Variants in SCAMP1 observed in about 807,000 individuals in gnomAD.
SCAMP1 encodes secretory carrier membrane protein 1.
A neutral mutation model predicts 41.8 loss-of-function variants in SCAMP1; 15 were observed. That is an observed-to-expected ratio of 0.36 (90% confidence interval 0.24 to 0.55). The LOEUF is 0.55. Among genes scored for constraint, SCAMP1 ranks in the 20% least tolerant of loss-of-function variants. The probability of loss-of-function intolerance (pLI) is 0.86; values close to 1 mark genes in which losing one functional copy is unlikely to be tolerated. For missense variants in SCAMP1, 341 were observed against 412.6 expected, an observed-to-expected ratio of 0.83 and a Z score of 1.50; for synonymous variants, 135 against 136.8, an observed-to-expected ratio of 0.99 and a Z score of 0.09.
chr5:78,377,847 TATATG>T (rs1427799331), intron 1 of SCAMP1, among the ~76,000 whole-genome samples: 4 of 152,196 alleles, frequency 2.6e-5, no homozygotes, highest in African/African-American at 7.2e-5. Context: ...ACTCATGAAT[TATATG>T]ATACATTTTA....
At chr5:78,437,865 G>C (rs1186208709) in intron 6 of SCAMP1, among the ~76,000 whole-genome samples, 1 of 152,162 alleles carries the variant, frequency 6.6e-6, no homozygotes, top group Non-Finnish European at 1.5e-5. Context: ...TGGTTGGTAG[G>C]CTATTAATTA....
At chr5:78,401,613 G>A (rs1210693807) in intron 2 of SCAMP1, among the ~76,000 whole-genome samples, 2 of 152,116 alleles carry the variant, frequency 1.3e-5, no homozygotes, top group Non-Finnish European at 2.9e-5. Context: ...AGATTTGTGG[G>A]CATAGAGTTA....
chr5:78,415,705 G>T, intron 3 of SCAMP1, 87 bp downstream of exon 3: 1 of 819,200 alleles, frequency 1.2e-6, no homozygotes, highest in East Asian at 2.8e-5. Context: ...TCTTTATATG[G>T]TTACATTTCT....
At chr5:78,451,756 G>T (rs992917210) in intron 7 of SCAMP1, among the ~76,000 whole-genome samples, 1 of 152,336 alleles carries the variant, frequency 6.6e-6, no homozygotes, top group African/African-American at 2.4e-5. Flanking sequence ...CTCGGTTCAA[G>T]TGATTCTCAT....
intron 6 of SCAMP1, among the ~76,000 whole-genome samples, chr5:78,438,134 G>A (rs1325482431): frequency 2.0e-5 from 3 of 151,996 alleles, no homozygotes; most frequent in East Asian, 1.9e-4. Context: ...CTAGCAGTCT[G>A]TCAATTTTGT....
At chr5:78,431,618 C>A (rs1381506981) in intron 6 of SCAMP1, among the ~76,000 whole-genome samples, 1 of 138,102 alleles carries the variant, frequency 7.2e-6, no homozygotes, top group Non-Finnish European at 1.5e-5. Context: ...TCTCTTAAAA[C>A]TGTTTTTTAG....
chr5:78,366,878 T>G (rs1295769403), intron 1 of SCAMP1, among the ~76,000 whole-genome samples: 3 of 141,242 alleles, frequency 2.1e-5, no homozygotes, highest in Non-Finnish European at 4.5e-5. Context: ...CTAAGCTACT[T>G]GGGAGGCTGA....
At chr5:78,419,383 T>G (rs186727941) in intron 5 of SCAMP1, among the ~76,000 whole-genome samples, 1 of 152,378 alleles carries the variant, frequency 6.6e-6, no homozygotes, top group East Asian at 1.9e-4. Flanking sequence ...TTGTTTTCAA[T>G]TGCGATACTT....
intron 2 of SCAMP1, among the ~76,000 whole-genome samples, chr5:78,408,285 A>T (rs1164827222): frequency 6.6e-6 from 1 of 152,152 alleles, no homozygotes; most frequent in East Asian, 1.9e-4. Flanking sequence ...ACCATCAGGT[A>T]TCATGAGATT....
chr5:78,420,983 C>G (rs759000837), intron 5 of SCAMP1, among the ~76,000 whole-genome samples: 6 of 152,094 alleles, frequency 3.9e-5, no homozygotes, highest in Non-Finnish European at 8.8e-5. Context: ...AATGTACTTA[C>G]TATAATAAAT....
intron 8 of SCAMP1, among the ~76,000 whole-genome samples, chr5:78,464,732 G>A (rs1753701754): frequency 6.6e-6 from 1 of 152,096 alleles, no homozygotes; most frequent in Non-Finnish European, 1.5e-5. Context: ...GCCATCAAAT[G>A]GGCCTTAATA....
intron 8 of SCAMP1, among the ~76,000 whole-genome samples, chr5:78,470,869 T>C (rs1189201975): frequency 6.6e-6 from 1 of 152,178 alleles, no homozygotes; most frequent in African/African-American, 2.4e-5. Context: ...TTGTATACTT[T>C]AAAAACATTT....
At chr5:78,450,475 G>A (rs986320688) in intron 7 of SCAMP1, among the ~76,000 whole-genome samples, 4 of 152,168 alleles carry the variant, frequency 2.6e-5, no homozygotes, top group African/African-American at 9.7e-5. Context: ...GTCTTTGAAA[G>A]GTAGAATAAC....
In SCAMP1 at chr5:78,450,045, T is replaced by G. The variant is rs758143754; in HGVS notation, c.734+11T>G. On this transcript the variant is annotated intron_variant, in intron 7 of 8. Coordinates refer to ENST00000621999, the MANE Select transcript of SCAMP1 (RefSeq NM_004866.6). ...TAACTGGGGCAATTGGTAAGTTTTT[T>G]TTTTTACTAGTTTTCAGCTTTAATC... 2 of 1,450,862 alleles carry G rather than the reference T, an allele frequency of 1.4e-6. No individual in the cohort carries two copies. The highest frequency in any genetic ancestry group is 1.9e-6 in the Non-Finnish European group (2 of 1,057,200). 89.9% of individuals were successfully genotyped at this position (1,450,862 alleles called of 1,614,324 possible).
At chr5:78,422,724 A>C (rs1580682507) in intron 6 of SCAMP1, among the ~76,000 whole-genome samples, 1 of 152,180 alleles carries the variant, frequency 6.6e-6, no homozygotes, top group East Asian at 1.9e-4. Context: ...TCTGTGGAGT[A>C]CTTTGTTGGA....
At chr5:78,363,562 C>G (rs1441811673) in intron 1 of SCAMP1, among the ~76,000 whole-genome samples, 1 of 152,200 alleles carries the variant, frequency 6.6e-6, no homozygotes, top group East Asian at 1.9e-4. Context: ...CTCTTATTTT[C>G]AAGTATATGA....
intron 1 of SCAMP1, among the ~76,000 whole-genome samples, chr5:78,378,780 G>T (rs1197428524): frequency 1.3e-5 from 2 of 152,138 alleles, no homozygotes; most frequent in African/African-American, 4.8e-5. Flanking sequence ...ATCTTTACTT[G>T]CTACTTAGAA....
intron 8 of SCAMP1, among the ~76,000 whole-genome samples, chr5:78,464,986 T>C (rs1018435148): frequency 6.6e-6 from 1 of 152,194 alleles, no homozygotes; most frequent in African/African-American, 2.4e-5. Context: ...AGATTTTGTT[T>C]ATATGATGTT....
intron 1 of SCAMP1, among the ~76,000 whole-genome samples, chr5:78,361,407 C>T (rs897337703): frequency 6.6e-6 from 1 of 152,182 alleles, no homozygotes; most frequent in Non-Finnish European, 1.5e-5. Context: ...CGACCTCTTC[C>T]CTACCCAGCT....
Sources: allele counts gnomAD v4.1 joint callset (sites outside exome capture counted in the v4.1 genomes callset), GRCh38; gene constraint gnomAD v4.1.1; transcripts MANE v1.5; gene names NCBI Gene and HGNC (gene_info 2026-07-23, HGNC 2026-07-21).